Variants in PRDM7 observed in about 807,000 individuals in gnomAD.
The protein encoded by PRDM7 is histone-lysine N-methyltransferase PRDM7.
Under a neutral mutation model 64.3 loss-of-function variants are expected in PRDM7, and 52 were observed. That is an observed-to-expected ratio of 0.81 (90% CI 0.65 to 1.02). The LOEUF is 1.02. Ranked by LOEUF, PRDM7 falls within the 50% of genes least tolerant of loss-of-function variation. The probability of loss-of-function intolerance (pLI) is 0.00; values close to 1 mark genes in which losing one functional copy is unlikely to be tolerated. For missense variants in PRDM7, 574 were observed against 597.1 expected (o/e 0.96, Z 0.40); for synonymous variants, 192 against 210.1 (o/e 0.91, Z 0.74).
At chr16:90,064,549 G>A (rs1186745694) in intron 5 of PRDM7, among the ~76,000 whole-genome samples, 1 of 151,736 alleles carries the variant, frequency 6.6e-6, no homozygotes, top group Non-Finnish European at 1.5e-5. Context: ...GAGAAGCTAG[G>A]ATTACAGGCA....
intron 4 of PRDM7, among the ~76,000 whole-genome samples, chr16:90,071,163 G>A (rs540381832): frequency 1.6e-4 from 25 of 152,260 alleles, no homozygotes; most frequent in Admixed American, 2.6e-4. Context: ...ATGGAGTCTC[G>A]TTCTGTTGCC....
intron 5 of PRDM7, 121 bp downstream of exon 5, chr16:90,066,740 G>T: frequency 1.2e-6 from 1 of 851,744 alleles, no homozygotes; most frequent in African/African-American, 1.8e-5. Flanking sequence ...CAGACACTGC[G>T]CTAAAGAGAT....
chr16:90,068,407 G>T (rs1292410051), intron 4 of PRDM7, among the ~76,000 whole-genome samples: 2 of 151,242 alleles, frequency 1.3e-5, no homozygotes, highest in Non-Finnish European at 2.9e-5. Context: ...AGGCAGAGGT[G>T]GGGGGATCAC....
Position 90,060,511 on chromosome 16 carries a change from C to A in PRDM7, c.1063G>T (p.Val355Phe), listed in dbSNP as rs780015499. The change falls in exon 10 of 11, where the codon GTC becomes TTC. Residue 355 changes from valine to phenylalanine, a missense_variant. Val to Phe is a conservative substitution (Grantham distance 50). Coordinates refer to ENST00000449207, the MANE Select transcript of PRDM7 (RefSeq NM_001098173.2). ...TGGCCATACTCATCCCCAGACCAGA[C>A]CAGCAGTTCACAGCCTGGCCTAATG... ...RVIRPGCELL[V>F]WSGDEYGQEL... The A allele has an allele frequency of 5.6e-6, 9 of 1,613,920 alleles. No homozygotes were observed. The highest frequency in any genetic ancestry group is 7.6e-6 in the Non-Finnish European group (9 of 1,179,910).
At chr16:90,074,801 C>T (rs1167364964) in intron 4 of PRDM7, 115 bp downstream of exon 4, 3 of 1,016,270 alleles carry the variant, frequency 3.0e-6, no homozygotes, top group Non-Finnish European at 4.4e-6. Flanking sequence ...ATCGCTTGAA[C>T]CTGGGAGGCA....
chr16:90,065,438 A>G (rs1195069804), intron 5 of PRDM7, among the ~76,000 whole-genome samples: 2 of 150,072 alleles, frequency 1.3e-5, no homozygotes, highest in Non-Finnish European at 2.9e-5. Flanking sequence ...AAAGAAAAAA[A>G]TAATTTTTCT....
intron 4 of PRDM7, among the ~76,000 whole-genome samples, chr16:90,070,713 A>T (rs1229951419): frequency 7.0e-6 from 1 of 143,846 alleles, no homozygotes; most frequent in Non-Finnish European, 1.5e-5. Context: ...CAAGTCAGGA[A>T]GAGAGCCCTC....
Position 90,060,442 on chromosome 16 carries a change from C to T in PRDM7, c.1132G>A (p.Gly378Ser). The change falls in exon 10 of 11, where the codon GGC becomes AGC. Residue 378 changes from glycine (G) to serine (S), a missense_variant. Physicochemically the swap from Gly to Ser is moderately conservative, Grantham distance 56. Coordinates refer to ENST00000449207, the MANE Select transcript of PRDM7 (RefSeq NM_001098173.2). ...CCAGACCAGCAGTTCACAGCCTGGC[C>T]TAATGACTCGGCAGGTTCTATAGAA... Reference protein sequence around the residue: ...RSSIEPAESLGQAVNCWSGMG... With the variant: ...RSSIEPAESLSQAVNCWSGMG... The T allele has an allele frequency of 6.2e-7, 1 of 1,613,742 alleles. No individual in the cohort carries two copies. Among genetic ancestry groups the T allele is most frequent in the African/African-American group, 1.3e-5 (1 of 74,992 alleles).
chr16:90,058,002 CCT>C lies in PRDM7; in HGVS notation c.*285_*286del. 7 of 1,607,842 alleles carry C rather than the reference CCT, an allele frequency of 4.4e-6. No homozygotes were observed. The African/African-American group carries it at 9.3e-5, about 21-fold the overall frequency. Reference sequence around the variant, plus strand: ...AGGAGGTCTGACTTCCGGCTAAAGCCCTCCCACACTCTCTGCAGACGTAGGGC... The same window carrying C: ...AGGAGGTCTGACTTCCGGCTAAAGCCCCCACACTCTCTGCAGACGTAGGGC... On this transcript the variant is annotated 3_prime_UTR_variant, in exon 11 of 11. Coordinates refer to ENST00000449207, the MANE Select transcript of PRDM7 (RefSeq NM_001098173.2).
At position 90,058,234 on chromosome 16, in the gene PRDM7, C is replaced by G. The variant is rs2151304341; in HGVS notation, c.*55G>C. 1.9e-6 allele frequency: 3 copies of G among 1,614,178 alleles called. No individual in the cohort carries two copies. In the Middle Eastern group the frequency reaches 4.9e-4, roughly 266 times the overall value. On this transcript the variant is annotated 3_prime_UTR_variant, in exon 11 of 11. Coordinates refer to ENST00000449207, the MANE Select transcript of PRDM7 (RefSeq NM_001098173.2). ...TCCCACTCTAGAGCTCCCCATTTGTCCTTTGGGTGGGCTAGAAAAGGCCCT... is the reference window on the plus strand; with the variant it reads ...TCCCACTCTAGAGCTCCCCATTTGTGCTTTGGGTGGGCTAGAAAAGGCCCT...
chr16:90,064,407 G>T (rs9928960), intron 5 of PRDM7, among the ~76,000 whole-genome samples: 28,789 of 150,738 alleles, frequency 0.19, 4,056 homozygotes, highest in East Asian at 0.79. Context: ...ACATGGTTTT[G>T]TTTTGTTTTG....
At position 90,061,432 on chromosome 16, in the gene PRDM7, A is replaced by G; in HGVS notation, c.950+20T>C. 1.3e-6 allele frequency: 2 copies of G among 1,564,612 alleles called. No individual in the cohort carries two copies. Among genetic ancestry groups the G allele is most frequent in the Non-Finnish European group, 1.8e-6 (2 of 1,134,968 alleles). ...AGAGATGGAGGTTCTCTCTGAAACTAAGAGACCTAGTGGCCTTACCTCATC... is the reference window on the plus strand; with the variant it reads ...AGAGATGGAGGTTCTCTCTGAAACTGAGAGACCTAGTGGCCTTACCTCATC... On this transcript the variant is annotated intron_variant, in intron 9 of 10. Coordinates refer to ENST00000449207, the MANE Select transcript of PRDM7 (RefSeq NM_001098173.2).
rs763152753 is a variant in PRDM7, at chr16:90,075,359, A to T, written c.185T>A (p.Ile62Asn). The part of the protein sequence containing the change: ...RNVKMNYNAL[I>N]TVGLRATRPA... Reference sequence around the variant, plus strand: ...CCAGCACTTCCTGTTACCTACAGTAATCAGTGCATTATAGTTCATTTTCAC... The same window carrying T: ...CCAGCACTTCCTGTTACCTACAGTATTCAGTGCATTATAGTTCATTTTCAC... The change falls in exon 3 of 11, where the codon ATT becomes AAT. Residue 62 changes from isoleucine to asparagine, a missense_variant. Transcript: ENST00000449207. The surrounding 1 kb of genome is among the most constrained non-coding windows in gnomAD (Gnocchi z 4.3). 15 of 1,614,240 alleles carry T rather than the reference A, an allele frequency of 9.3e-6. No individual in the cohort carries two copies. The highest frequency in any genetic ancestry group is 1.3e-5 in the Non-Finnish European group (15 of 1,180,046).
chr16:90,066,646 A>C (rs2037877853), intron 5 of PRDM7, among the ~76,000 whole-genome samples: 1 of 151,286 alleles, frequency 6.6e-6, no homozygotes, highest in African/African-American at 2.5e-5. Context: ...AAAATGCTTA[A>C]AAAAGTCTGA....
intron 4 of PRDM7, among the ~76,000 whole-genome samples, chr16:90,073,963 T>A (rs2037998295): frequency 6.6e-6 from 1 of 151,966 alleles, no homozygotes; most frequent in African/African-American, 2.4e-5. Context: ...TTTTGGCATT[T>A]TTAATAGAGA....
intron 5 of PRDM7, among the ~76,000 whole-genome samples, chr16:90,064,654 T>A (rs1429482575): frequency 6.6e-6 from 1 of 151,308 alleles, no homozygotes. Flanking sequence ...CCTCAAGTGA[T>A]CCACCCACCT....
At chr16:90,074,850 G>A in intron 4 of PRDM7, 66 bp downstream of exon 4, 2 of 1,527,930 alleles carry the variant, frequency 1.3e-6, no homozygotes, top group East Asian at 2.3e-5. Flanking sequence ...TTGCACTCCA[G>A]CCTGGGCAAC....
intron 4 of PRDM7, among the ~76,000 whole-genome samples, chr16:90,068,478 AC>A (rs1300111908): frequency 6.7e-6 from 1 of 149,952 alleles, no homozygotes; most frequent in Non-Finnish European, 1.5e-5. Context: ...TACTAAAAAT[AC>A]AAAAAATTAG....
intron 10 of PRDM7, among the ~76,000 whole-genome samples, chr16:90,059,490 A>G (rs886405225): frequency 6.6e-6 from 1 of 152,192 alleles, no homozygotes; most frequent in African/African-American, 2.4e-5. Context: ...ATGGCAGCCT[A>G]TTTTCCAAAA....
Sources: gnomAD v4.1 joint callset for allele counts (sites outside exome capture counted in the v4.1 genomes callset) on GRCh38, gnomAD v4.1.1 for gene constraint, Gnocchi (gnomAD v3.1) non-coding constraint, MANE v1.5 for transcripts, NCBI Gene and HGNC (gene_info 2026-07-23, HGNC 2026-07-21) for gene names.